Variants in SACM1L observed in about 807,000 individuals in gnomAD.
SACM1L encodes phosphatidylinositol-3-phosphatase SAC1.
SACM1L carries 32 observed loss-of-function variants against 89.5 expected under a neutral mutation model. The observed-to-expected ratio is 0.36, with a 90% CI of 0.27 to 0.48. The LOEUF (loss-of-function observed/expected upper bound fraction) is 0.48, where lower values mean the gene tolerates loss of function less well. Ranked by LOEUF, SACM1L falls within the 20% of genes least tolerant of loss-of-function variation. The pLI is 0.99. For missense variants in SACM1L, 543 were observed against 708.5 expected, an observed-to-expected ratio of 0.77 and a Z score of 2.65; for synonymous variants, 213 against 232.8, an observed-to-expected ratio of 0.92 and a Z score of 0.77.
chr3:45,713,269 C>T, intron 6 of SACM1L, 73 bp downstream of exon 6: 1 of 1,121,136 alleles, frequency 8.9e-7, no homozygotes, highest in South Asian at 1.3e-5. Context: ...TATAAAGTGA[C>T]TTCCTAATCA....
In SACM1L at chr3:45,743,680, G is replaced by A. The variant is rs1024723036; in HGVS notation, c.*11G>A. ...GAAAAGATAGACTGAATTTGTATTTGTGGAAAGCGGCTTGGCTTGGAAGAT... is the reference window on the plus strand; with the variant it reads ...GAAAAGATAGACTGAATTTGTATTTATGGAAAGCGGCTTGGCTTGGAAGAT... On this transcript the variant is annotated 3_prime_UTR_variant, in exon 20 of 20. Coordinates refer to ENST00000389061, the MANE Select transcript of SACM1L (RefSeq NM_014016.5). The A allele has an allele frequency of 3.7e-6, 6 of 1,610,058 alleles. No individual in the cohort carries two copies. The African/African-American group carries it at 6.7e-5, about 18-fold the overall frequency.
intron 11 of SACM1L, among the ~76,000 whole-genome samples, chr3:45,724,828 A>G (rs113863746): frequency 1.3e-5 from 2 of 152,076 alleles, no homozygotes; most frequent in Admixed American, 6.5e-5. Flanking sequence ...GTGTCTGTGT[A>G]TTACTTCTTA....
intron 1 of SACM1L, among the ~76,000 whole-genome samples, chr3:45,700,294 A>C (rs184183183): frequency 2.6e-5 from 4 of 152,248 alleles, no homozygotes; most frequent in African/African-American, 9.6e-5. Flanking sequence ...AATTATGGCA[A>C]CTGTCCCCCA....
Position 45,722,960 on chromosome 3 carries a change from G to GT in SACM1L, c.852+6dup, listed in dbSNP as rs1698820314. Reference sequence around the variant, plus strand: ...ATCAGCAAAGTAGCAAATCACGTGTGTATCTTGCATGCCTTTTTTGTTGGT... The same window carrying GT: ...ATCAGCAAAGTAGCAAATCACGTGTGTTATCTTGCATGCCTTTTTTGTTGGT... On this transcript the variant is annotated splice_donor_region_variant and intron_variant, in intron 10 of 19. Coordinates refer to ENST00000389061, the MANE Select transcript of SACM1L (RefSeq NM_014016.5). 6.2e-7 allele frequency: 1 copy of GT among 1,608,596 alleles called. No individual in the cohort carries two copies. The highest frequency in any genetic ancestry group is 8.5e-7 in the Non-Finnish European group (1 of 1,175,724).
intron 11 of SACM1L, among the ~76,000 whole-genome samples, chr3:45,726,513 T>A (rs1443843046): frequency 1.3e-5 from 2 of 152,170 alleles, no homozygotes; most frequent in African/African-American, 4.8e-5. Flanking sequence ...TTGTTCATAG[T>A]ATTCTCTTAG....
intron 7 of SACM1L, among the ~76,000 whole-genome samples, chr3:45,717,165 C>G (rs569413802): frequency 2.0e-5 from 3 of 152,284 alleles, no homozygotes; most frequent in Admixed American, 6.5e-5. Context: ...AGAGATGAGT[C>G]ATTAGCAGCT....
intron 16 of SACM1L, 129 bp from the exon 17 acceptor site, chr3:45,738,449 C>T: frequency 1.7e-6 from 1 of 602,836 alleles, no homozygotes; most frequent in Non-Finnish European, 2.9e-6. Context: ...TGTGAAGTAT[C>T]TGTATTTTCA....
At chr3:45,732,533 AT>A (rs1699099319) in intron 13 of SACM1L, among the ~76,000 whole-genome samples, 1 of 152,088 alleles carries the variant, frequency 6.6e-6, no homozygotes, top group African/African-American at 2.4e-5. Flanking sequence ...GCTTTTCTAT[AT>A]TCTGTTTTAT....
Position 45,722,665 on chromosome 3 carries a change from A to G in SACM1L, c.766-204A>G, listed in dbSNP as rs1698814051. On this transcript the variant is annotated intron_variant, in intron 9 of 19. Transcript: ENST00000389061. ...CTACTACACAAATGCCATGTATATAAAACTAGAAGGAGAAAAAGTTCTAAA... is the reference window on the plus strand; with the variant it reads ...CTACTACACAAATGCCATGTATATAGAACTAGAAGGAGAAAAAGTTCTAAA... Among the ~76,000 whole-genome samples the G allele has an allele frequency of 1.3e-5, 2 of 152,350 alleles. 1 individual carries two copies.
chr3:45,706,375 G>A (rs527917289), intron 3 of SACM1L, among the ~76,000 whole-genome samples: 19 of 152,184 alleles, frequency 1.2e-4, no homozygotes, highest in Non-Finnish European at 2.6e-4. Flanking sequence ...GAGTGGTGTG[G>A]AAGGGACATT....
intron 4 of SACM1L, among the ~76,000 whole-genome samples, chr3:45,708,633 A>G (rs866149259): frequency 3.9e-5 from 6 of 152,064 alleles, no homozygotes; most frequent in Admixed American, 1.3e-4. Flanking sequence ...GGCATATTTT[A>G]AAGAAATAAA....
At chr3:45,732,296 T>C in intron 13 of SACM1L, 145 bp downstream of exon 13, 1 of 415,068 alleles carries the variant, frequency 2.4e-6, no homozygotes, top group South Asian at 9.9e-5. Flanking sequence ...TTTTAATTTC[T>C]TTACTGGAAA....
At chr3:45,735,694 GTTA>G (rs1477151627) in intron 14 of SACM1L, among the ~76,000 whole-genome samples, 1 of 152,080 alleles carries the variant, frequency 6.6e-6, no homozygotes, top group African/African-American at 2.4e-5. Context: ...ATCTGTATAT[GTTA>G]TTATTAACTT....
intron 1 of SACM1L, among the ~76,000 whole-genome samples, chr3:45,697,137 A>C (rs1698146820): frequency 1.3e-5 from 2 of 152,110 alleles, no homozygotes; most frequent in South Asian, 4.1e-4. Context: ...AGGAGGAAGC[A>C]ACCTAAGTGT....
chr3:45,713,257 G>A (rs2248991), intron 6 of SACM1L, 61 bp downstream of exon 6: 605,377 of 1,215,264 alleles, frequency 0.5, 155,545 homozygotes, highest in Middle Eastern at 0.53. Flanking sequence ...TTCAATGCAT[G>A]CTATAAAGTG....
At chr3:45,699,855 G>GT (rs1163299233) in intron 1 of SACM1L, among the ~76,000 whole-genome samples, 2 of 151,934 alleles carry the variant, frequency 1.3e-5, no homozygotes, top group African/African-American at 2.4e-5. Flanking sequence ...AATGGAGATA[G>GT]TTTTTTTTCT....
At chr3:45,729,155 C>T (rs1387068704) in intron 11 of SACM1L, among the ~76,000 whole-genome samples, 2 of 152,072 alleles carry the variant, frequency 1.3e-5, no homozygotes, top group African/African-American at 2.4e-5. Context: ...GGCACAATCT[C>T]GGCTCACTGC....
chr3:45,707,821 G>T (rs1038437304), intron 4 of SACM1L, among the ~76,000 whole-genome samples: 1 of 152,108 alleles, frequency 6.6e-6, no homozygotes, highest in Non-Finnish European at 1.5e-5. Context: ...GTTCACCAGG[G>T]ATAGAAGAAA....
intron 11 of SACM1L, among the ~76,000 whole-genome samples, chr3:45,730,307 G>T (rs116523864): frequency 3.4e-3 from 499 of 148,296 alleles, no homozygotes; most frequent in African/African-American, 0.011. Flanking sequence ...GTTTGCTGGG[G>T]TTTTTTTTGT....
Sources: allele counts gnomAD v4.1 joint callset (sites outside exome capture counted in the v4.1 genomes callset), GRCh38; gene constraint gnomAD v4.1.1; transcripts MANE v1.5; gene names NCBI Gene and HGNC (gene_info 2026-07-23, HGNC 2026-07-21).